Variants in TCF3 observed in about 807,000 individuals in gnomAD.
The protein encoded by TCF3 is transcription factor 3, also known as transcription factor E2-alpha.
In TCF3, 54 loss-of-function variants were observed where a neutral mutation model predicts 72.3. The ratio of observed to expected loss-of-function variants is 0.75; its 90% CI spans 0.60 to 0.94. The LOEUF (loss-of-function observed/expected upper bound fraction) is 0.94. Ranked by LOEUF, TCF3 falls within the 40% of genes least tolerant of loss-of-function variation. The pLI is 0.00. For synonymous variants in TCF3, 525 were observed against 412.6 expected (o/e 1.27, Z -3.30); for missense variants, 1,078 against 934.4 (o/e 1.15, Z -2.00).
intron 8 of TCF3, among the ~76,000 whole-genome samples, chr19:1,623,274 G>A (rs2062471384): frequency 6.6e-6 from 1 of 152,134 alleles, no homozygotes; most frequent in African/African-American, 2.4e-5. Context: ...CCGCAGGAGT[G>A]TGGCACAGCA....
Position 1,625,639 on chromosome 19 carries a change from TCCC to T in TCF3, c.433_435del (p.Gly145del), listed in dbSNP as rs1405141296. 2 of 1,544,596 alleles carry T rather than the reference TCCC, an allele frequency of 1.3e-6. No homozygotes were observed. Among genetic ancestry groups the T allele is most frequent in the Non-Finnish European group, 1.7e-6 (2 of 1,151,518 alleles). On this transcript the variant is annotated inframe_deletion, in exon 7 of 19. Transcript: ENST00000262965. Reference sequence around the variant, plus strand: ...GAGTAGGAGGGGTAGTACTGGGAGGTCCCCTTCATGCCCGAAGGGGACAGGGGC... The same window carrying T: ...GAGTAGGAGGGGTAGTACTGGGAGGTCTTCATGCCCGAAGGGGACAGGGGC...
intron 6 of TCF3, 22 bp downstream of exon 6, chr19:1,627,337 C>A: frequency 6.3e-7 from 1 of 1,595,692 alleles, no homozygotes; most frequent in South Asian, 1.1e-5. Context: ...AAATACACCC[C>A]AGCCCGGCCC....
intron 3 of TCF3, among the ~76,000 whole-genome samples, chr19:1,638,859 G>A (rs1417537631): frequency 1.3e-5 from 2 of 152,182 alleles, no homozygotes; most frequent in Non-Finnish European, 2.9e-5. Context: ...AAAATAAGAC[G>A]ATGGAAGGAA....
At chr19:1,641,762 C>T (rs1056209037) in intron 3 of TCF3, among the ~76,000 whole-genome samples, 1 of 151,084 alleles carries the variant, frequency 6.6e-6, no homozygotes, top group Non-Finnish European at 1.5e-5. Context: ...TGAAATTTTT[C>T]TTTTTTTTTA....
Position 1,610,374 on chromosome 19 carries a change from G to A in TCF3, c.*1333C>T, listed in dbSNP as rs1466831840. On this transcript the variant is annotated 3_prime_UTR_variant, in exon 19 of 19. Coordinates refer to ENST00000262965, the MANE Select transcript of TCF3 (RefSeq NM_003200.5). ...TTGGGGGAGGCTGGCCAGGCCCCTG[G>A]CATCCTGTCTACGTCACGATGGCCC... is the stretch of plus-strand genomic sequence containing the variant. The A allele has an allele frequency of 1.3e-5, 3 of 231,104 alleles. No homozygotes were observed. Among genetic ancestry groups the A allele is most frequent in the African/African-American group, 2.2e-5 (1 of 45,184 alleles). 14.3% of individuals were successfully genotyped at this position (231,104 alleles called of 1,614,324 possible).
At position 1,621,137 on chromosome 19, in the gene TCF3, G is replaced by T; in HGVS notation, c.1010C>A (p.Ala337Asp). ...SSGDALGKAL[A>D]SIYSPDHSSN... ...CCCCCATGCCCCACGCCTCACCGAG[G>T]CCAGTGCTTTGCCGAGGGCATCCCC... The change falls in exon 12 of 19, where the codon GCC (alanine) becomes GAC (aspartate). Residue 337 changes from alanine to aspartate, a missense_variant. Coordinates refer to ENST00000262965, the MANE Select transcript of TCF3 (RefSeq NM_003200.5). The T allele has an allele frequency of 1.3e-6, 2 of 1,542,506 alleles. No individual in the cohort carries two copies. The highest frequency in any genetic ancestry group is 1.7e-6 in the Non-Finnish European group (2 of 1,145,034).
intron 13 of TCF3, among the ~76,000 whole-genome samples, chr19:1,620,643 C>T (rs1306629893): frequency 1.3e-5 from 2 of 152,200 alleles, no homozygotes; most frequent in East Asian, 3.9e-4. Flanking sequence ...ACCTGGACGC[C>T]ACCTCCCAGC....
intron 16 of TCF3, among the ~76,000 whole-genome samples, chr19:1,618,491 A>C (rs1297190166): frequency 6.6e-6 from 1 of 151,198 alleles, no homozygotes; most frequent in East Asian, 2.0e-4. Context: ...GCCCCGCATG[A>C]CCTGCCCTGC....
chr19:1,616,889 C>T (rs75786300), intron 16 of TCF3, among the ~76,000 whole-genome samples: 2,310 of 152,278 alleles, frequency 0.015, 60 homozygotes, highest in African/African-American at 0.052. Flanking sequence ...ATAGAAGACA[C>T]CCACCACAGA....
At chr19:1,649,973 C>A (rs145374939) in intron 2 of TCF3, among the ~76,000 whole-genome samples, 1 of 152,224 alleles carries the variant, frequency 6.6e-6, no homozygotes, top group East Asian at 1.9e-4. Flanking sequence ...TGCGTCCGGG[C>A]AAAAGCCCCA....
chr19:1,642,262 A>G (rs1229314327), intron 3 of TCF3, among the ~76,000 whole-genome samples: 1 of 151,862 alleles, frequency 6.6e-6, no homozygotes, highest in Non-Finnish European at 1.5e-5. Context: ...ACGTGCGCAC[A>G]CACGCACGCA....
intron 3 of TCF3, among the ~76,000 whole-genome samples, chr19:1,633,087 C>A (rs1037477808): frequency 6.6e-6 from 1 of 151,446 alleles, no homozygotes; most frequent in Admixed American, 6.6e-5. Context: ...GGACCTTGGT[C>A]CCGGGGCGGG....
At position 1,613,204 on chromosome 19, in the gene TCF3, G is replaced by GA. The variant is rs1168796888; in HGVS notation, c.1823-1356dup. Among the ~76,000 whole-genome samples the GA allele has an allele frequency of 6.6e-5, 10 of 152,270 alleles. No individual in the cohort carries two copies. The East Asian group carries it at 1.9e-3, about 29-fold the overall frequency. On this transcript the variant is annotated intron_variant, in intron 18 of 18. Transcript: ENST00000262965. ...AAATGTGCTTCTCTGTGCACGCGGC[G>GA]AATGTGCTCCCTGGAATGCAGCAGA...
intron 5 of TCF3, among the ~76,000 whole-genome samples, chr19:1,631,548 C>T (rs1039035102): frequency 1.3e-5 from 2 of 152,088 alleles, no homozygotes; most frequent in African/African-American, 2.4e-5. Flanking sequence ...GTATTACAGG[C>T]GTGAGCCACC....
At position 1,622,402 on chromosome 19, in the gene TCF3, C is replaced by A; in HGVS notation, c.563G>T (p.Ser188Ile). Residue 188 changes from serine to isoleucine, a missense_variant, in exon 9 of 19, where the codon AGC becomes ATC. Transcript: ENST00000262965. ...PGLPSSVYPP[S>I]SGEDYGRDAT... ...ATCCCTGCCGTAGTCCTCACCTGAG[C>A]TGGGTGGGTACACCTGCGGGCGGGT... 8.4e-7 allele frequency: 1 copy of A among 1,184,400 alleles called. No individual in the cohort carries two copies. The highest frequency in any genetic ancestry group is 4.7e-5 in the East Asian group (1 of 21,460). 73.4% of individuals were successfully genotyped at this position (1,184,400 alleles called of 1,614,324 possible). A position where few individuals can be genotyped will look rare whatever the true frequency, so the allele number is the denominator to read the frequency against.
At chr19:1,621,261 C>T (rs1251715401) in intron 11 of TCF3, 70 bp from the exon 12 acceptor site, 9 of 1,490,142 alleles carry the variant, frequency 6.0e-6, no homozygotes, top group Admixed American at 6.0e-5. Context: ...AGCTCTCCTG[C>T]GTTCTGCCGT....
Position 1,625,610 on chromosome 19 carries a change from G to A in TCF3, c.465C>T (p.Gly155=). The A allele has an allele frequency of 7.6e-6, 12 of 1,583,246 alleles. No individual in the cohort carries two copies. Among genetic ancestry groups the A allele is most frequent in the Non-Finnish European group, 1.0e-5 (12 of 1,167,346 alleles). ...CGTCTGCCGCTCTCCGCCGGGAGCT[G>A]CCGGAGTAGGAGGGGTAGTACTGGG... ...GTSQYYPSYS[G]SSRRRAADGS... is the part of the protein sequence containing the mutation. The change falls in exon 7 of 19, where the codon GGC becomes GGT. Residue 155 remains glycine (G), a synonymous_variant. Transcript: ENST00000262965.
chr19:1,650,742 C>T (rs925272128), intron 1 of TCF3: 1 of 230,618 alleles, frequency 4.3e-6, no homozygotes. Context: ...TTTGGTGATT[C>T]CCCCCTCCCC....
chr19:1,642,244 GCA>G (rs751012952), intron 3 of TCF3, among the ~76,000 whole-genome samples: 120 of 149,408 alleles, frequency 8.0e-4, no homozygotes, highest in South Asian at 7.1e-3. Context: ...ACGCGCAGAC[GCA>G]CACACACGTG....
Sources: gnomAD v4.1 joint callset for allele counts (sites outside exome capture counted in the v4.1 genomes callset) on GRCh38, gnomAD v4.1.1 for gene constraint, MANE v1.5 for transcripts, NCBI Gene and HGNC (gene_info 2026-07-23, HGNC 2026-07-21) for gene names.